SLC8A2: variants seen among roughly 807,000 people sequenced by gnomAD.
SLC8A2 encodes sodium/calcium exchanger 2.
SLC8A2 carries 14 observed loss-of-function variants against 70.2 expected under a neutral mutation model. That is an observed-to-expected ratio of 0.20 (90% CI 0.13 to 0.31). SLC8A2 has a LOEUF of 0.31. Ranked by LOEUF, SLC8A2 falls within the 10% of genes least tolerant of loss-of-function variation. The probability of loss-of-function intolerance (pLI) is 1.00; values close to 1 mark genes in which losing one functional copy is unlikely to be tolerated. For missense variants in SLC8A2, 779 were observed against 1,320.1 expected (o/e 0.59, Z 6.35); for synonymous variants, 575 against 594.3 (o/e 0.97, Z 0.47).
At chr19:47,436,919 C>G (rs1421359652) in intron 8 of SLC8A2, among the ~76,000 whole-genome samples, 1 of 152,126 alleles carries the variant, frequency 6.6e-6, no homozygotes, top group African/African-American at 2.4e-5. Flanking sequence ...AACCCAGGCT[C>G]TCTCTGGGGT....
At chr19:47,442,498 A>T (rs535221594) in intron 4 of SLC8A2, among the ~76,000 whole-genome samples, 6 of 152,132 alleles carry the variant, frequency 3.9e-5, no homozygotes, top group South Asian at 4.1e-4. Flanking sequence ...CTCATGCCTC[A>T]GGGCTTTTGC....
chr19:47,467,842 A>AG (rs1326177764), intron 1 of SLC8A2, among the ~76,000 whole-genome samples: 1 of 148,216 alleles, frequency 6.7e-6, no homozygotes, highest in Admixed American at 6.7e-5. Flanking sequence ...AATACAAAAA[A>AG]AAAAAAAAAA....
At chr19:47,433,956 C>T (rs1966995293) in intron 8 of SLC8A2, among the ~76,000 whole-genome samples, 1 of 152,200 alleles carries the variant, frequency 6.6e-6, no homozygotes, top group Non-Finnish European at 1.5e-5. Flanking sequence ...CCTGCAGTGG[C>T]TTTTATAACC....
Position 47,457,171 on chromosome 19 carries a change from C to T in SLC8A2, c.1099G>A (p.Val367Met), listed in dbSNP as rs1447849965. ...GCGTCCGCCGCGTGTCTGCGCAGCA[C>T]GTTCCCGGCGCCGGTCATCAGCCGC... ...ATRLMTGAGN[V>M]LRRHAADASR... Residue 367 changes from valine to methionine, a missense_variant, in exon 3 of 10, where the codon GTG (valine) becomes ATG (methionine). Coordinates refer to ENST00000236877, the MANE Select transcript of SLC8A2 (RefSeq NM_015063.3). 4 of 1,544,416 alleles carry T rather than the reference C, an allele frequency of 2.6e-6. No homozygotes were observed. The highest frequency in any genetic ancestry group is 3.5e-6 in the Non-Finnish European group (4 of 1,145,082).
chr19:47,444,721 C>T (rs1170524440), intron 4 of SLC8A2, among the ~76,000 whole-genome samples: 1 of 152,180 alleles, frequency 6.6e-6, no homozygotes, highest in Non-Finnish European at 1.5e-5. Context: ...CCTCAGGGGA[C>T]CCAAATGCAG....
intron 8 of SLC8A2, among the ~76,000 whole-genome samples, chr19:47,435,353 G>A (rs1295423110): frequency 6.6e-6 from 1 of 152,042 alleles, no homozygotes; most frequent in Non-Finnish European, 1.5e-5. Flanking sequence ...TAAACCCACA[G>A]CACGATGTAC....
intron 3 of SLC8A2, among the ~76,000 whole-genome samples, chr19:47,455,509 C>T (rs967308342): frequency 1.3e-5 from 2 of 152,160 alleles, no homozygotes; most frequent in Non-Finnish European, 2.9e-5. Context: ...CACCACTAGT[C>T]GCCGGTGCCA....
chr19:47,460,514 A>G (rs2122648482), intron 2 of SLC8A2, among the ~76,000 whole-genome samples: 1 of 152,056 alleles, frequency 6.6e-6, no homozygotes, highest in East Asian at 1.9e-4. Flanking sequence ...CCTGGCCAAC[A>G]TGGTGAAACC....
intron 3 of SLC8A2, among the ~76,000 whole-genome samples, chr19:47,452,600 A>G (rs574380115): frequency 6.6e-5 from 10 of 151,972 alleles, no homozygotes; most frequent in African/African-American, 2.4e-4. Flanking sequence ...AGTAGCTGGG[A>G]TTGGACTTTA....
Position 47,430,519 on chromosome 19 carries a change from G to A in SLC8A2, c.2390-54C>T. ...GGGCTTTGCGCCGCCACCCACAGGG[G>A]CGGGCATCCGCCTGCCCCCTCCCAG... On this transcript the variant is annotated intron_variant, in intron 9 of 9. Coordinates refer to ENST00000236877, the MANE Select transcript of SLC8A2 (RefSeq NM_015063.3). This position sits in a 1 kb window ranked among gnomAD's most constrained non-coding sequence, Gnocchi z 5.9. The A allele has an allele frequency of 6.7e-7, 1 of 1,495,478 alleles. No homozygotes were observed. The highest frequency in any genetic ancestry group is 8.9e-7 in the Non-Finnish European group (1 of 1,125,474). 92.6% of individuals were successfully genotyped at this position (1,495,478 alleles called of 1,614,324 possible). A position where few individuals can be genotyped will look rare whatever the true frequency, so the allele number is the denominator to read the frequency against.
chr19:47,451,915 G>A (rs1018339748), intron 3 of SLC8A2, among the ~76,000 whole-genome samples: 3 of 152,166 alleles, frequency 2.0e-5, no homozygotes, highest in Non-Finnish European at 2.9e-5. Context: ...AGACTAAAGA[G>A]ATTTGACAGG....
At chr19:47,437,678 C>A in intron 7 of SLC8A2, 117 bp from the exon 8 acceptor site, 3 of 1,149,788 alleles carry the variant, frequency 2.6e-6, no homozygotes, top group Non-Finnish European at 3.9e-6. Context: ...ACTTTCCACA[C>A]CCCCGTTCTG....
Position 47,447,792 on chromosome 19 carries a change from G to C in SLC8A2, c.1763+17C>G. On this transcript the variant is annotated intron_variant, in intron 4 of 9. Transcript: ENST00000236877. This position sits in a 1 kb window ranked among gnomAD's most constrained non-coding sequence, Gnocchi z 5.1. ...CCGAAGCCCCGCCCCTCTCCGGGCCGCCTCGGGCGTGCTCACATGGTCTCG... is the reference window on the plus strand; with the variant it reads ...CCGAAGCCCCGCCCCTCTCCGGGCCCCCTCGGGCGTGCTCACATGGTCTCG... 1.3e-6 allele frequency: 2 copies of C among 1,570,368 alleles called. No homozygotes were observed. Among genetic ancestry groups the C allele is most frequent in the Non-Finnish European group, 1.7e-6 (2 of 1,169,032 alleles).
chr19:47,457,327 C>G lies in SLC8A2; in HGVS notation c.943G>C (p.Val315Leu), dbSNP rs1346823524. The stretch of plus-strand genomic sequence containing the variant: ...TTGAGGTCCTTGAGGATCTGGATGA[C>G]CTCGCGGCGGCTGGCGTCCAGCTCG... Reference protein sequence around the residue: ...ARELDASRREVIQILKDLKQK... With the variant: ...ARELDASRRELIQILKDLKQK... The change falls in exon 3 of 10, where the codon GTC becomes CTC. Residue 315 changes from valine (V) to leucine (L), a missense_variant. Physicochemically the swap from Val to Leu is conservative, Grantham distance 32 (BLOSUM62 1). Transcript: ENST00000236877. The G allele has an allele frequency of 3.2e-6, 5 of 1,542,884 alleles. No individual in the cohort carries two copies. The highest frequency in any genetic ancestry group is 4.4e-6 in the Non-Finnish European group (5 of 1,144,294).
intron 3 of SLC8A2, among the ~76,000 whole-genome samples, chr19:47,451,130 T>C (rs1331320852): frequency 6.6e-6 from 1 of 150,868 alleles, no homozygotes; most frequent in Non-Finnish European, 1.5e-5. Context: ...TGCCTCAGCC[T>C]TCCAAGTAGC....
chr19:47,449,996 G>A (rs1218594759), intron 3 of SLC8A2, among the ~76,000 whole-genome samples: 1 of 152,136 alleles, frequency 6.6e-6, no homozygotes, highest in Non-Finnish European at 1.5e-5. Context: ...GGGGGGAGCC[G>A]GGGAGGGAAC....
In SLC8A2 at chr19:47,468,123, G is replaced by T. The variant is rs1053727158; in HGVS notation, c.-16-1704C>A. 7.3e-5 allele frequency among the ~76,000 whole-genome samples: 11 copies of T among 150,984 alleles called. No homozygotes were observed. The South Asian group carries it at 2.3e-3, about 32-fold the overall frequency. ...AGCACCAGCGTCCTCTCCAGGGCCC[G>T]TGAGGTCCTGCCCAACCTGGCCCCG... On this transcript the variant is annotated intron_variant, in intron 1 of 9. Coordinates refer to ENST00000236877, the MANE Select transcript of SLC8A2 (RefSeq NM_015063.3). This position sits in a 1 kb window ranked among gnomAD's most constrained non-coding sequence, Gnocchi z 5.1.
At position 47,447,423 on chromosome 19, in the gene SLC8A2, C is replaced by T; in HGVS notation, c.1763+386G>A. Reference sequence around the variant, plus strand: ...CTCGTCCCCCCTTCCTCCTTGGGGCCCTCTTCTCACCTGTCCGGCCACCCT... The same window carrying T: ...CTCGTCCCCCCTTCCTCCTTGGGGCTCTCTTCTCACCTGTCCGGCCACCCT... On this transcript the variant is annotated intron_variant, in intron 4 of 9. Coordinates refer to ENST00000236877, the MANE Select transcript of SLC8A2 (RefSeq NM_015063.3). This position sits in a 1 kb window ranked among gnomAD's most constrained non-coding sequence, Gnocchi z 5.1. 2 of 272,438 alleles carry T rather than the reference C, an allele frequency of 7.3e-6. No individual in the cohort carries two copies. The highest frequency in any genetic ancestry group is 1.4e-5 in the Non-Finnish European group (2 of 142,776). 16.9% of individuals were successfully genotyped at this position (272,438 alleles called of 1,614,324 possible). A position where few individuals can be genotyped will look rare whatever the true frequency, so the allele number is the denominator to read the frequency against.
At position 47,437,835 on chromosome 19, in the gene SLC8A2, C is replaced by A. The variant is rs1328488731; in HGVS notation, c.2010+14G>T. 6.2e-7 allele frequency: 1 copy of A among 1,613,968 alleles called. No homozygotes were observed. The highest frequency in any genetic ancestry group is 8.5e-7 in the Non-Finnish European group (1 of 1,179,904). ...CAGGCTGGACTCCAGGAAGGTGAGGCCCCGGAAAATCACCTTAAAATCATA... is the reference window on the plus strand; with the variant it reads ...CAGGCTGGACTCCAGGAAGGTGAGGACCCGGAAAATCACCTTAAAATCATA... On this transcript the variant is annotated intron_variant, in intron 7 of 9. Transcript: ENST00000236877.
Sources: allele counts gnomAD v4.1 joint callset (sites outside exome capture counted in the v4.1 genomes callset), GRCh38; gene constraint gnomAD v4.1.1; non-coding constraint Gnocchi (gnomAD v3.1); transcripts MANE v1.5; gene names NCBI Gene and HGNC (gene_info 2026-07-23, HGNC 2026-07-21).